The following ABCD3 variants were observed in gnomAD, a reference collection of about 807,000 sequenced individuals.
The protein encoded by ABCD3 is ATP binding cassette subfamily D member 3, also known as ATP-binding cassette sub-family D member 3.
In ABCD3, 41 loss-of-function variants were observed where a neutral mutation model predicts 105.5. The observed-to-expected ratio is 0.39, with a 90% confidence interval of 0.30 to 0.50. The LOEUF is 0.50. Among genes scored for constraint, ABCD3 ranks in the 20% least tolerant of loss-of-function variants. The pLI, the probability that ABCD3 is intolerant of heterozygous loss-of-function variation, is 0.84. For synonymous variants in ABCD3, 258 were observed against 269.0 expected (o/e 0.96, Z 0.40); for missense variants, 622 against 806.3 (o/e 0.77, Z 2.77).
At chr1:94,512,363 CAT>C (rs1257415934) in intron 21 of ABCD3, among the ~76,000 whole-genome samples, 4 of 151,544 alleles carry the variant, frequency 2.6e-5, no homozygotes, top group Non-Finnish European at 5.9e-5. Flanking sequence ...TGTAAAACAA[CAT>C]ATTTAAATCT....
At chr1:94,410,749 AGAT>A in the ABCD3 span, among the ~76,000 whole-genome samples, 1 of 152,238 alleles carries the variant, frequency 6.6e-6, no homozygotes, top group Non-Finnish European at 1.5e-5. Flanking sequence ...TAGTGCACAC[AGAT>A]GATTAATAAA....
intron 4 of ABCD3, among the ~76,000 whole-genome samples, chr1:94,471,111 G>A (rs76583209): frequency 1.3e-5 from 2 of 152,044 alleles, no homozygotes; most frequent in African/African-American, 2.4e-5. Context: ...TGTTTGTAGG[G>A]GGACCCTAAT....
At chr1:94,422,277 C>T (rs1419921987) in intron 1 of ABCD3, among the ~76,000 whole-genome samples, 1 of 152,198 alleles carries the variant, frequency 6.6e-6, no homozygotes, top group African/African-American at 2.4e-5. Context: ...ACTTGAGCTC[C>T]GCCTCCTGTC....
At chr1:94,429,614 G>A (rs1043189678) in intron 1 of ABCD3, among the ~76,000 whole-genome samples, 2 of 152,244 alleles carry the variant, frequency 1.3e-5, no homozygotes, top group African/African-American at 4.8e-5. Flanking sequence ...TTCAGAGGGT[G>A]TAAGCCCCAA....
At chr1:94,508,550 G>C (rs1211767610) in intron 21 of ABCD3, among the ~76,000 whole-genome samples, 3 of 150,678 alleles carry the variant, frequency 2.0e-5, no homozygotes, top group African/African-American at 4.9e-5. Context: ...TAGCTTGATG[G>C]GGATGGCATT....
intron 1 of ABCD3, among the ~76,000 whole-genome samples, chr1:94,422,019 A>C (rs764424417): frequency 2.0e-5 from 3 of 152,154 alleles, no homozygotes; most frequent in Admixed American, 6.5e-5. Flanking sequence ...TTTCCCACTC[A>C]TCCAACCATA....
At chr1:94,469,775 C>T (rs1256774127) in intron 4 of ABCD3, among the ~76,000 whole-genome samples, 1 of 151,180 alleles carries the variant, frequency 6.6e-6, no homozygotes, top group Non-Finnish European at 1.5e-5. Flanking sequence ...ACGCCATTCT[C>T]CTGCCTCAGC....
At chr1:94,438,282 TCACA>T (rs143373197) in intron 1 of ABCD3, among the ~76,000 whole-genome samples, 22 of 116,598 alleles carry the variant, frequency 1.9e-4, no homozygotes, top group East Asian at 1.1e-3. Flanking sequence ...CAAGACTCCA[TCACA>T]CACACACACA....
chr1:94,418,440 G>C lies in ABCD3; in HGVS notation c.-39G>C. 6.5e-7 allele frequency: 1 copy of C among 1,549,484 alleles called. No individual in the cohort carries two copies. Among genetic ancestry groups the C allele is most frequent in the Non-Finnish European group, 8.7e-7 (1 of 1,147,452 alleles). On this transcript the variant is annotated 5_prime_UTR_variant, in exon 1 of 23. Coordinates refer to ENST00000370214, the MANE Select transcript of ABCD3 (RefSeq NM_002858.4). ...TAAGGTAGCCGCCGCCGCCGCCGCC[G>C]CCGCGTCCCCTCGCCGGCTCGCTGG... is the stretch of plus-strand genomic sequence containing the variant.
chr1:94,419,089 A>G (rs1438194631), intron 1 of ABCD3: 1 of 167,986 alleles, frequency 6.0e-6, no homozygotes, highest in African/African-American at 2.4e-5. Context: ...GTTTGGCTCG[A>G]TTCCCGACTA....
chr1:94,510,936 T>C (rs1337893545), intron 21 of ABCD3, among the ~76,000 whole-genome samples: 1 of 152,294 alleles, frequency 6.6e-6, no homozygotes. Flanking sequence ...GGGTCTTGAC[T>C]CCTTATCCAA....
chr1:94,414,473 A>G (rs1436293749), upstream of ABCD3, among the ~76,000 whole-genome samples: 2 of 152,088 alleles, frequency 1.3e-5, no homozygotes, highest in African/African-American at 4.8e-5. Context: ...CATGTGTTCA[A>G]ACTGGTCCCT....
intron 1 of ABCD3, among the ~76,000 whole-genome samples, chr1:94,427,573 A>G (rs893160702): frequency 6.6e-6 from 1 of 152,198 alleles, no homozygotes; most frequent in Non-Finnish European, 1.5e-5. Flanking sequence ...TCAATGTAAT[A>G]TGAACTTGAA....
chr1:94,463,625 C>T (rs1647988071), intron 2 of ABCD3, among the ~76,000 whole-genome samples: 1 of 152,096 alleles, frequency 6.6e-6, no homozygotes, highest in Non-Finnish European at 1.5e-5. Context: ...AGTGTCTTGC[C>T]TTTTCCAAGA....
At chr1:94,476,892 T>G (rs967461678) in intron 7 of ABCD3, among the ~76,000 whole-genome samples, 4 of 151,968 alleles carry the variant, frequency 2.6e-5, no homozygotes, top group African/African-American at 9.7e-5. Flanking sequence ...TCTCTTTCTC[T>G]CTCTCTCTGT....
At chr1:94,453,926 C>T (rs1047453529) in intron 1 of ABCD3, among the ~76,000 whole-genome samples, 4 of 138,400 alleles carry the variant, frequency 2.9e-5, no homozygotes, top group Admixed American at 1.5e-4. Context: ...TGGTTGGATG[C>T]TTGTATTATT....
At chr1:94,408,375 G>C in the ABCD3 span, among the ~76,000 whole-genome samples, 2 of 151,536 alleles carry the variant, frequency 1.3e-5, no homozygotes, top group African/African-American at 4.9e-5. Context: ...TTGAGGTGAG[G>C]AGTTTAAGAC....
At chr1:94,417,447 G>C (rs1289367576), upstream of ABCD3, among the ~76,000 whole-genome samples, 1 of 152,198 alleles carries the variant, frequency 6.6e-6, no homozygotes, top group Non-Finnish European at 1.5e-5. Context: ...GCGATTCACT[G>C]TTACTGTATA....
chr1:94,435,151 G>A (rs1465448663), intron 1 of ABCD3, among the ~76,000 whole-genome samples: 1 of 151,992 alleles, frequency 6.6e-6, no homozygotes, highest in Non-Finnish European at 1.5e-5. Flanking sequence ...CCATAAATTG[G>A]TAGTTGGATC....
Sources: gnomAD v4.1 joint callset for allele counts (sites outside exome capture counted in the v4.1 genomes callset) on GRCh38, gnomAD v4.1.1 for gene constraint, MANE v1.5 for transcripts, NCBI Gene and HGNC (gene_info 2026-07-23, HGNC 2026-07-21) for gene names.